The following CNIH3 variants were observed in gnomAD, a reference collection of about 807,000 sequenced individuals.
CNIH3 encodes the protein protein cornichon homolog 3.
In CNIH3, 14 loss-of-function variants were observed where a neutral mutation model predicts 24.1. That is an observed-to-expected ratio of 0.58 (90% CI 0.38 to 0.91). The LOEUF (loss-of-function observed/expected upper bound fraction) is 0.91. Ranked by LOEUF, CNIH3 falls within the 40% of genes least tolerant of loss-of-function variation. The pLI is 0.00. For synonymous variants in CNIH3, 68 were observed against 73.8 expected, an observed-to-expected ratio of 0.92 and a Z score of 0.40; for missense variants, 178 against 196.8, an observed-to-expected ratio of 0.90 and a Z score of 0.57.
intron 3 of CNIH3, among the ~76,000 whole-genome samples, chr1:224,698,483 A>T (rs893701421): frequency 6.6e-6 from 1 of 152,216 alleles, no homozygotes; most frequent in African/African-American, 2.4e-5. Context: ...GAACCAAATA[A>T]AGGAACCACT....
intron 1 of CNIH3, among the ~76,000 whole-genome samples, chr1:224,628,322 A>G (rs1305669333): frequency 6.6e-6 from 1 of 152,146 alleles, no homozygotes; most frequent in Non-Finnish European, 1.5e-5. Context: ...TTTTAAGTGT[A>G]CAGCTTAATG....
chr1:224,648,682 C>T (rs1415935782), intron 1 of CNIH3, among the ~76,000 whole-genome samples: 1 of 151,426 alleles, frequency 6.6e-6, no homozygotes, highest in Non-Finnish European at 1.5e-5. Context: ...CCAATTACTT[C>T]CCCCCATGAT....
At chr1:224,723,049 A>G (rs1264210287) in intron 3 of CNIH3, among the ~76,000 whole-genome samples, 1 of 152,162 alleles carries the variant, frequency 6.6e-6, no homozygotes, top group South Asian at 2.1e-4. Flanking sequence ...GAGGGCCCCA[A>G]GGGAAATGAC....
intron 1 of CNIH3, among the ~76,000 whole-genome samples, chr1:224,629,068 G>C (rs528422242): frequency 1.3e-5 from 2 of 151,064 alleles, no homozygotes; most frequent in African/African-American, 4.9e-5. Context: ...GTGCAGTGGC[G>C]TGATCTCGGC....
At chr1:224,621,880 G>A (rs923575436) in intron 1 of CNIH3, among the ~76,000 whole-genome samples, 1 of 152,172 alleles carries the variant, frequency 6.6e-6, no homozygotes, top group African/African-American at 2.4e-5. Flanking sequence ...GAAGGATCTG[G>A]TGGGAGGTAA....
At chr1:224,653,711 A>T (rs533170561) in intron 1 of CNIH3, among the ~76,000 whole-genome samples, 1 of 152,356 alleles carries the variant, frequency 6.6e-6, no homozygotes, top group East Asian at 1.9e-4. Context: ...GCTTTTTAAT[A>T]CTACCTCAAG....
chr1:224,581,791 G>A (rs1681284646), intron 4 of CNIH3, among the ~76,000 whole-genome samples: 1 of 152,098 alleles, frequency 6.6e-6, no homozygotes, highest in African/African-American at 2.4e-5. Context: ...CATCTCCTTT[G>A]CCAAGGATCT....
rs905629799 is a variant in CNIH3 at position 224,458,484 on chromosome 1, G to A, written n.203+23622G>A. 1.3e-5 allele frequency among the ~76,000 whole-genome samples: 2 copies of A among 152,166 alleles called. No individual in the cohort carries two copies. The highest frequency in any genetic ancestry group is 1.3e-4 in the Admixed American group (2 of 15,284). On this transcript the variant is annotated intron_variant and non_coding_transcript_variant, in intron 1 of 5. Transcript: ENST00000471578. The surrounding 1 kb of genome is among the most constrained non-coding windows in gnomAD (Gnocchi z 4.3). ...CTCCTGACATCAGAGAGAAGGGCTG[G>A]GATTGTGGCCTGCGGTTGGTGGGCA...
At chr1:224,496,989 A>G (rs1677464573) in intron 1 of CNIH3, among the ~76,000 whole-genome samples, 2 of 152,246 alleles carry the variant, frequency 1.3e-5, no homozygotes, top group South Asian at 4.1e-4. Flanking sequence ...TCTTTGATGG[A>G]TGAATGGATA....
At chr1:224,443,251 C>G (rs1162012624) in intron 1 of CNIH3, among the ~76,000 whole-genome samples, 1 of 152,158 alleles carries the variant, frequency 6.6e-6, no homozygotes, top group Admixed American at 6.5e-5. Context: ...GCTTCCAAAC[C>G]TGGAGGGCTT....
At chr1:224,636,288 C>T (rs1447179213) in intron 1 of CNIH3, among the ~76,000 whole-genome samples, 2 of 152,216 alleles carry the variant, frequency 1.3e-5, no homozygotes. Context: ...GGGATACAGT[C>T]ATGTAATCAC....
chr1:224,642,181 G>A (rs1684393088), intron 1 of CNIH3, among the ~76,000 whole-genome samples: 1 of 152,150 alleles, frequency 6.6e-6, no homozygotes, highest in Non-Finnish European at 1.5e-5. Context: ...ATCAGGCACT[G>A]TTCTTACTGT....
intron 3 of CNIH3, among the ~76,000 whole-genome samples, chr1:224,701,320 A>G (rs760012108): frequency 2.0e-5 from 3 of 151,998 alleles, no homozygotes; most frequent in Non-Finnish European, 4.4e-5. Flanking sequence ...ACACAAATGT[A>G]TCTCTCACAG....
downstream of CNIH3, among the ~76,000 whole-genome samples, chr1:224,590,325 G>A (rs1466028392): frequency 1.3e-5 from 2 of 152,280 alleles, no homozygotes; most frequent in East Asian, 3.9e-4. Context: ...GGGTTGTTTT[G>A]CCTCTATAAC....
chr1:224,485,844 T>C (rs1558099890), intron 1 of CNIH3, among the ~76,000 whole-genome samples: 1 of 152,222 alleles, frequency 6.6e-6, no homozygotes, highest in African/African-American at 2.4e-5. Context: ...TGAATTCCCA[T>C]GTATCCATCC....
In CNIH3 at chr1:224,604,934, G is replaced by A. The variant is rs148575231; in HGVS notation, n.402+38670G>A. On this transcript the variant is annotated intron_variant and non_coding_transcript_variant, in intron 3 of 7. Transcript: ENST00000478120. The surrounding 1 kb of genome is among the most constrained non-coding windows in gnomAD (Gnocchi z 4.4). ...GCTTTCAGAGGAGAGGGGACATGGG[G>A]TTGGTCCTGCTACCTGAAAGCAGGA... 1.3e-3 allele frequency among the ~76,000 whole-genome samples: 192 copies of A among 152,314 alleles called. No homozygotes were observed. Among genetic ancestry groups the A allele is most frequent in the African/African-American group, 4.3e-3 (177 of 41,568 alleles).
intron 1 of CNIH3, among the ~76,000 whole-genome samples, chr1:224,445,500 T>C (rs905704777): frequency 3.5e-5 from 5 of 143,330 alleles, no homozygotes; most frequent in Non-Finnish European, 7.5e-5. Context: ...TGCTTGAACC[T>C]GGGAGGTGGA....
intron 3 of CNIH3, among the ~76,000 whole-genome samples, chr1:224,597,429 G>A (rs187591287): frequency 1.4e-4 from 22 of 152,294 alleles, no homozygotes; most frequent in Admixed American, 7.2e-4. Flanking sequence ...TTAACAGACA[G>A]GCCTCGCTAG....
intron 4 of CNIH3, among the ~76,000 whole-genome samples, chr1:224,731,410 T>C (rs975502982): frequency 2.6e-5 from 4 of 152,178 alleles, no homozygotes; most frequent in Admixed American, 1.3e-4. Flanking sequence ...AGTCACCATA[T>C]GGACACAGGA....
Sources: allele counts gnomAD v4.1 joint callset (sites outside exome capture counted in the v4.1 genomes callset), GRCh38; gene constraint gnomAD v4.1.1; non-coding constraint Gnocchi (gnomAD v3.1); transcripts MANE v1.5; gene names NCBI Gene and HGNC (gene_info 2026-07-23, HGNC 2026-07-21).